TPM1: variants seen among roughly 807,000 people sequenced by gnomAD.
The protein encoded by TPM1 is tropomyosin 1.
A neutral mutation model predicts 42.9 loss-of-function variants in TPM1; 24 were observed. The ratio of observed to expected loss-of-function variants is 0.56; its 90% confidence interval spans 0.41 to 0.79. TPM1 has a LOEUF of 0.79. TPM1 is among the 30% of genes least tolerant of loss of function. TPM1 has a pLI of 0.00. For synonymous variants in TPM1, 136 were observed against 130.1 expected, an observed-to-expected ratio of 1.05 and a Z score of -0.31; for missense variants, 158 against 351.8, an observed-to-expected ratio of 0.45 and a Z score of 4.41.
At chr15:63,045,078 G>T (rs983818167) in intron 2 of TPM1, 2 of 152,124 alleles carry the variant, frequency 1.3e-5, no homozygotes, top group African/African-American at 4.8e-5. Flanking sequence ...AATTAGAAAA[G>T]AATTCCTTGG....
rs374563216 is a variant in TPM1, at chr15:63,060,946, G to A, written c.563+7G>A. On this transcript the variant is annotated splice_region_variant and intron_variant, in intron 5 of 9. Transcript: ENST00000403994. ...GGGCTGAGCTCTCAGAAGGGTAAGC[G>A]GGCCCGGCGCCAGGAGGCCACGAAT... 36 of 1,613,784 alleles carry A rather than the reference G, an allele frequency of 2.2e-5. No individual in the cohort carries two copies. The African/African-American group carries it at 3.3e-4, about 15-fold the overall frequency.
chr15:63,053,531 G>T (rs922730878), intron 2 of TPM1, among the ~76,000 whole-genome samples: 3 of 152,064 alleles, frequency 2.0e-5, no homozygotes, highest in Non-Finnish European at 4.4e-5. Context: ...CCCTCCTGCC[G>T]CCTGTTTCTA....
In TPM1 at chr15:63,042,779, G is replaced by C; in HGVS notation, c.-51G>C. ...CTCCCGCTCCTCCGCCCGACCGCGC[G>C]CTCGCCCCGCCGCTCCTGCTGCAGC... is the stretch of plus-strand genomic sequence containing the variant. On this transcript the variant is annotated 5_prime_UTR_variant, in exon 1 of 10. Transcript: ENST00000403994. The C allele has an allele frequency of 1.3e-6, 2 of 1,523,078 alleles. No homozygotes were observed. Among genetic ancestry groups the C allele is most frequent in the Non-Finnish European group, 1.8e-6 (2 of 1,105,474 alleles). 94.3% of individuals were successfully genotyped at this position (1,523,078 alleles called of 1,614,324 possible).
intron 3 of TPM1, among the ~76,000 whole-genome samples, 158 bp from the exon 4 acceptor site, chr15:63,059,405 T>A (rs2035278925): frequency 6.6e-6 from 1 of 152,210 alleles, no homozygotes; most frequent in Non-Finnish European, 1.5e-5. Context: ...CACCTTTAGC[T>A]CTGGAAATTG....
At chr15:63,056,468 C>T (rs555130337) in intron 2 of TPM1, 1 of 185,832 alleles carries the variant, frequency 5.4e-6, no homozygotes, top group South Asian at 1.1e-4. Flanking sequence ...AGATTGAGAC[C>T]ATCCTGGCTA....
At chr15:63,070,772 T>A (rs1231567548), downstream of TPM1, 12 of 1,183,932 alleles carry the variant, frequency 1.0e-5, no homozygotes, top group Non-Finnish European at 1.3e-5. Context: ...CTGTATTTGG[T>A]TTTTACCTCT....
downstream of TPM1, among the ~76,000 whole-genome samples, chr15:63,067,819 T>C (rs569309230): frequency 3.9e-5 from 6 of 152,332 alleles, no homozygotes; most frequent in East Asian, 1.2e-3. Flanking sequence ...GTTTGGGCAC[T>C]TGAAGTTTCA....
intron 9 of TPM1, chr15:63,065,547 TGTCTCTAAG>T (rs2036182854): frequency 2.1e-5 from 21 of 985,232 alleles, no homozygotes; most frequent in Non-Finnish European, 2.5e-5. Context: ...GCAGATCATC[TGTCTCTAAG>T]GTCTTTTTCA....
At chr15:63,070,241 C>T (rs1478607291), downstream of TPM1, 5 of 1,174,466 alleles carry the variant, frequency 4.3e-6, no homozygotes, top group South Asian at 1.9e-5. Flanking sequence ...GGAGCCCCCC[C>T]AAAAAATGTT....
At chr15:63,051,005 C>G (rs913916374) in intron 2 of TPM1, among the ~76,000 whole-genome samples, 1 of 152,190 alleles carries the variant, frequency 6.6e-6, no homozygotes, top group Non-Finnish European at 1.5e-5. Context: ...CTTACTTCCT[C>G]CTAGTCTGTG....
At chr15:63,060,238 A>T (rs2035433486) in intron 4 of TPM1, among the ~76,000 whole-genome samples, 1 of 152,144 alleles carries the variant, frequency 6.6e-6, no homozygotes, top group Non-Finnish European at 1.5e-5. Context: ...TTTTTTCCTT[A>T]TTGGATCACA....
intron 5 of TPM1, 79 bp downstream of exon 5, chr15:63,061,018 G>A (rs1362069635): frequency 7.0e-6 from 11 of 1,562,416 alleles, no homozygotes; most frequent in Non-Finnish European, 9.7e-6. Flanking sequence ...TCTGGCAGCT[G>A]CACATTACCT....
rs111924332 is a variant in TPM1 at position 63,064,331 on chromosome 15, C to T, written c.851+189C>T. 8.9e-6 allele frequency: 13 copies of T among 1,464,744 alleles called. No individual in the cohort carries two copies. The South Asian group carries it at 1.8e-4, about 20-fold the overall frequency. 90.7% of individuals were successfully genotyped at this position (1,464,744 alleles called of 1,614,324 possible). On this transcript the variant is annotated intron_variant, in intron 9 of 9. Coordinates refer to ENST00000403994, the MANE Select transcript of TPM1 (RefSeq NM_001018005.2). ...TAAAGGCCAATTAGATTAAGTCTGTCTATACAAACCATTTTCTTTTCAGAA... is the reference window on the plus strand; with the variant it reads ...TAAAGGCCAATTAGATTAAGTCTGTTTATACAAACCATTTTCTTTTCAGAA...
At chr15:63,057,146 G>C in intron 3 of TPM1, 28 bp downstream of exon 3, 4 of 1,613,478 alleles carry the variant, frequency 2.5e-6, no homozygotes, top group South Asian at 1.1e-5. Context: ...GCCATCTTTT[G>C]CAGCTGCCTT....
intron 2 of TPM1, among the ~76,000 whole-genome samples, chr15:63,050,351 T>G (rs76113767): frequency 0.074 from 11,233 of 152,246 alleles, 646 homozygotes; most frequent in East Asian, 0.17. Context: ...TAGGCATGTT[T>G]GATGGGTTAA....
chr15:63,056,956 C>G, intron 2 of TPM1, 29 bp from the exon 3 acceptor site: 1 of 1,614,036 alleles, frequency 6.2e-7, no homozygotes, highest in East Asian at 2.2e-5. Context: ...TTCTCCCCAA[C>G]TCTGAAATGC....
chr15:63,056,038 T>C (rs1040877086), intron 2 of TPM1: 4 of 152,222 alleles, frequency 2.6e-5, no homozygotes, highest in Non-Finnish European at 5.9e-5. Context: ...TAGGCTTACA[T>C]CAAAAACACT....
intron 2 of TPM1, chr15:63,046,210 A>C (rs972829407): frequency 2.0e-4 from 31 of 152,234 alleles, no homozygotes; most frequent in African/African-American, 7.2e-4. Flanking sequence ...GGAATTTTTT[A>C]GTTCTATTGT....
chr15:63,070,166 C>G, downstream of TPM1: 1 of 1,368,832 alleles, frequency 7.3e-7, no homozygotes, highest in South Asian at 1.5e-5. Flanking sequence ...TGGTAGAATA[C>G]TTATATCAAT....
Sources: gnomAD v4.1 joint callset for allele counts (sites outside exome capture counted in the v4.1 genomes callset) on GRCh38, gnomAD v4.1.1 for gene constraint, MANE v1.5 for transcripts, NCBI Gene and HGNC (gene_info 2026-07-23, HGNC 2026-07-21) for gene names.